Variants in STX1B observed in about 807,000 individuals in gnomAD.
STX1B encodes the protein syntaxin-1B.
A neutral mutation model predicts 39.4 loss-of-function variants in STX1B; 7 were observed. The ratio of observed to expected loss-of-function variants is 0.18; its 90% CI spans 0.10 to 0.33. STX1B has a LOEUF of 0.33. STX1B is among the 10% of genes least tolerant of loss of function. STX1B has a pLI of 1.00. For synonymous variants in STX1B, 136 were observed against 144.1 expected (o/e 0.94, Z 0.40); for missense variants, 198 against 383.2 (o/e 0.52, Z 4.04).
chr16:31,000,868 G>A (rs1432117560), intron 4 of STX1B, 60 bp downstream of exon 4: 8 of 1,582,234 alleles, frequency 5.1e-6, no homozygotes, highest in Non-Finnish European at 6.9e-6. Flanking sequence ...CCAAAGGCCT[G>A]AGCCACCATG....
intron 1 of STX1B, among the ~76,000 whole-genome samples, chr16:31,006,206 C>T (rs932622524): frequency 4.6e-5 from 7 of 152,128 alleles, no homozygotes; most frequent in Non-Finnish European, 8.8e-5. Context: ...ATCGTTTGAT[C>T]GGAGGCAGCA....
In STX1B at chr16:31,010,492, C is replaced by G. The variant is rs563163290; in HGVS notation, c.-96G>C. ...GCCGGAGGCCGGGGTCTGGGGGCGC[C>G]GGGGGGCGCCGCGGCCGCTGCGGGG... On this transcript the variant is annotated 5_prime_UTR_variant, in exon 1 of 10. Coordinates refer to ENST00000215095, the MANE Select transcript of STX1B (RefSeq NM_052874.5). 7.6e-5 allele frequency: 46 copies of G among 605,696 alleles called. No individual in the cohort carries two copies. Among genetic ancestry groups the G allele is most frequent in the Non-Finnish European group, 8.6e-5 (39 of 454,744 alleles). 37.5% of individuals were successfully genotyped at this position (605,696 alleles called of 1,614,324 possible).
intron 1 of STX1B, among the ~76,000 whole-genome samples, chr16:31,007,883 A>G (rs1010886643): frequency 6.6e-6 from 1 of 152,134 alleles, no homozygotes; most frequent in Admixed American, 6.5e-5. Flanking sequence ...TACTTCTCCC[A>G]ACTCATACGC....
intron 1 of STX1B, among the ~76,000 whole-genome samples, chr16:31,002,216 C>T (rs1287709717): frequency 2.0e-5 from 3 of 152,006 alleles, no homozygotes; most frequent in African/African-American, 4.8e-5. Flanking sequence ...GGCTCTCCCT[C>T]GCAGTGGATT....
chr16:30,993,856 G>A (rs2056576371), intron 7 of STX1B, among the ~76,000 whole-genome samples: 1 of 152,116 alleles, frequency 6.6e-6, no homozygotes, highest in African/African-American at 2.4e-5. Flanking sequence ...GTGGTGGTGG[G>A]CACCTGTAAT....
chr16:30,998,900 G>A (rs886897397), intron 4 of STX1B, among the ~76,000 whole-genome samples: 1 of 152,206 alleles, frequency 6.6e-6, no homozygotes, highest in African/African-American at 2.4e-5. Flanking sequence ...TTGTTTCTGA[G>A]AAGGAATTTC....
chr16:30,998,270 G>A (rs535399631), intron 4 of STX1B, among the ~76,000 whole-genome samples: 50 of 152,340 alleles, frequency 3.3e-4, no homozygotes, highest in East Asian at 1.5e-3. Flanking sequence ...AATCTACCTC[G>A]GTGAGATCAG....
chr16:31,002,559 G>A (rs1481369801), intron 1 of STX1B, among the ~76,000 whole-genome samples: 10 of 152,258 alleles, frequency 6.6e-5, no homozygotes, highest in Non-Finnish European at 1.3e-4. Context: ...ACATTTGGGA[G>A]GGCTCACTGG....
intron 1 of STX1B, 132 bp downstream of exon 1, chr16:31,010,235 C>A: frequency 1.6e-6 from 1 of 608,610 alleles, no homozygotes; most frequent in East Asian, 3.6e-5. Flanking sequence ...CCTGAAGATA[C>A]TGGGGTGCTC....
chr16:30,994,626 G>T (rs533561447), intron 7 of STX1B, among the ~76,000 whole-genome samples: 3 of 149,608 alleles, frequency 2.0e-5, no homozygotes, highest in East Asian at 2.0e-4. Flanking sequence ...GGAAGAGACC[G>T]TGACCCACAG....
intron 7 of STX1B, among the ~76,000 whole-genome samples, chr16:30,994,422 A>C (rs1192981369): frequency 3.2e-5 from 1 of 30,892 alleles, no homozygotes; most frequent in African/African-American, 8.0e-5. Flanking sequence ...TGTTTCTATC[A>C]AAAAAAAAAA....
rs1555494652 is a variant in STX1B, at chr16:31,001,424, T to TGGGGCTGGGGCTGGGTGCC, written c.105+86_105+104dup. 9 of 439,398 alleles carry TGGGGCTGGGGCTGGGTGCC rather than the reference T, an allele frequency of 2.0e-5. No homozygotes were observed. The highest frequency in any genetic ancestry group is 2.3e-5 in the Non-Finnish European group (8 of 344,026). 27.2% of individuals were successfully genotyped at this position (439,398 alleles called of 1,614,324 possible). On this transcript the variant is annotated intron_variant, in intron 2 of 9. Coordinates refer to ENST00000215095, the MANE Select transcript of STX1B (RefSeq NM_052874.5). This position sits in a 1 kb window ranked among gnomAD's most constrained non-coding sequence, Gnocchi z 5.5. ...GGGACTAGGGGCTGGGGCTGGGTGC[T>TGGGGCTGGGGCTGGGTGCC]GGGGCTGGGGCTGGGTGCCGGGGCT...
intron 6 of STX1B, 44 bp downstream of exon 6, chr16:30,996,907 C>A: frequency 6.3e-7 from 1 of 1,576,962 alleles, no homozygotes; most frequent in Non-Finnish European, 8.7e-7. Context: ...GGGGCTTGGG[C>A]AGCCTCAAGG....
At chr16:31,006,484 G>A (rs1207305555) in intron 1 of STX1B, among the ~76,000 whole-genome samples, 1 of 152,234 alleles carries the variant, frequency 6.6e-6, no homozygotes, top group Non-Finnish European at 1.5e-5. Context: ...GGCGAGGAGG[G>A]CCTGCCTCCA....
chr16:31,006,466 A>G (rs1596722250), intron 1 of STX1B, among the ~76,000 whole-genome samples: 2 of 152,318 alleles, frequency 1.3e-5, no homozygotes, highest in South Asian at 4.1e-4. Flanking sequence ...GTGGTGGTGA[A>G]GAAGACAGGC....
intron 4 of STX1B, 84 bp from the exon 5 acceptor site, chr16:30,997,659 C>G: frequency 7.6e-7 from 1 of 1,311,176 alleles, no homozygotes; most frequent in Non-Finnish European, 1.1e-6. Context: ...GTCAACACCC[C>G]GCGGCAGCGC....
Position 30,996,936 on chromosome 16 carries a change from G to T in STX1B, c.463+15C>A, listed in dbSNP as rs756467906. On this transcript the variant is annotated intron_variant, in intron 6 of 9. Transcript: ENST00000215095. ...CTCAAGGAGTTCGGGGTCCTGGGGT[G>T]GGGGGCACACGCACTGATCTCCAGT... is the stretch of plus-strand genomic sequence containing the variant. The T allele has an allele frequency of 5.0e-6, 8 of 1,604,828 alleles. No individual in the cohort carries two copies. The highest frequency in any genetic ancestry group is 1.8e-4 in the Middle Eastern group (1 of 5,626).
chr16:31,005,114 ACT>A (rs2056648925), intron 1 of STX1B, among the ~76,000 whole-genome samples: 1 of 151,796 alleles, frequency 6.6e-6, no homozygotes, highest in Non-Finnish European at 1.5e-5. Context: ...GCAAACTTAG[ACT>A]CCTCCCTGGG....
chr16:31,001,697 C>T lies in STX1B; in HGVS notation c.31-94G>A, dbSNP rs1688513003. 1.0e-6 allele frequency: 1 copy of T among 956,846 alleles called. No homozygotes were observed. The highest frequency in any genetic ancestry group is 1.6e-6 in the Non-Finnish European group (1 of 626,996). The allele number at this position is 956,846 out of a possible 1,614,324, so 59.3% of individuals were successfully genotyped here. A position where few individuals can be genotyped will look rare whatever the true frequency, so the allele number is the denominator to read the frequency against. Reference sequence around the variant, plus strand: ...TCCCACCCTCTCCCTGCTATGCACACACAGGTGCTCCCAGCTCTAGGCTCA... The same window carrying T: ...TCCCACCCTCTCCCTGCTATGCACATACAGGTGCTCCCAGCTCTAGGCTCA... On this transcript the variant is annotated intron_variant, in intron 1 of 9. Transcript: ENST00000215095. The surrounding 1 kb of genome is among the most constrained non-coding windows in gnomAD (Gnocchi z 5.5).
Sources: gnomAD v4.1 joint callset for allele counts (sites outside exome capture counted in the v4.1 genomes callset) on GRCh38, gnomAD v4.1.1 for gene constraint, Gnocchi (gnomAD v3.1) non-coding constraint, MANE v1.5 for transcripts, NCBI Gene and HGNC (gene_info 2026-07-23, HGNC 2026-07-21) for gene names.